The following UBE3D variants were observed in gnomAD, a reference collection of about 807,000 sequenced individuals.
UBE3D encodes the protein ubiquitin protein ligase E3D.
In UBE3D, 48 loss-of-function variants were observed where a neutral mutation model predicts 49.6. That is an observed-to-expected ratio of 0.97 (90% CI 0.77 to 1.23). The LOEUF (loss-of-function observed/expected upper bound fraction) is 1.23. Among genes scored for constraint, UBE3D ranks in the 50% most tolerant of loss-of-function variants. The pLI is 0.00. For synonymous variants in UBE3D, 189 were observed against 174.2 expected, an observed-to-expected ratio of 1.08 and a Z score of -0.67; for missense variants, 452 against 468.4, an observed-to-expected ratio of 0.96 and a Z score of 0.32.
chr6:82,962,030 T>C (rs886542449), intron 8 of UBE3D, among the ~76,000 whole-genome samples: 5 of 151,508 alleles, frequency 3.3e-5, no homozygotes, highest in African/African-American at 1.2e-4. Context: ...CTTTAAAACT[T>C]GACTAGGAAA....
At chr6:83,005,967 A>C (rs1779948411) in intron 8 of UBE3D, among the ~76,000 whole-genome samples, 1 of 152,110 alleles carries the variant, frequency 6.6e-6, no homozygotes, top group African/African-American at 2.4e-5. Context: ...GCTCACACCT[A>C]TAATCCCAGT....
intron 3 of UBE3D, among the ~76,000 whole-genome samples, chr6:83,045,011 C>T (rs576832715): frequency 1.7e-4 from 26 of 152,106 alleles, no homozygotes; most frequent in Non-Finnish European, 3.4e-4. Flanking sequence ...TAGATGAATC[C>T]TAATTAGTCC....
intron 9 of UBE3D, among the ~76,000 whole-genome samples, chr6:82,912,617 G>A (rs1395622545): frequency 6.6e-6 from 1 of 152,086 alleles, no homozygotes; most frequent in Non-Finnish European, 1.5e-5. Context: ...AGAGTTATGT[G>A]GAAAGTTATA....
chr6:83,031,630 C>A lies in UBE3D; in HGVS notation c.667+6786G>T, dbSNP rs1241428304. Among the ~76,000 whole-genome samples, 13 of 152,318 alleles carry A rather than the reference C, an allele frequency of 8.5e-5. No individual in the cohort carries two copies. The South Asian group carries it at 2.7e-3, about 32-fold the overall frequency. ...GTCAAGCCTGCTTGAATTTACACTGCTGCAGAAATTTGCGTAAGTAACAAG... is the reference window on the plus strand; with the variant it reads ...GTCAAGCCTGCTTGAATTTACACTGATGCAGAAATTTGCGTAAGTAACAAG... On this transcript the variant is annotated intron_variant, in intron 5 of 9. Transcript: ENST00000369747.
chr6:83,031,089 C>T (rs1781834301), intron 5 of UBE3D, among the ~76,000 whole-genome samples: 1 of 152,000 alleles, frequency 6.6e-6, no homozygotes, highest in Admixed American at 6.5e-5. Context: ...CTCACTGCAA[C>T]CTCTGCCTCC....
At chr6:82,912,513 T>G (rs1166144837) in intron 9 of UBE3D, among the ~76,000 whole-genome samples, 1 of 152,130 alleles carries the variant, frequency 6.6e-6, no homozygotes, top group Non-Finnish European at 1.5e-5. Flanking sequence ...TTAGTCTTTT[T>G]TCCAATGAAA....
chr6:83,047,100 T>C (rs1204561200), intron 3 of UBE3D, among the ~76,000 whole-genome samples: 2 of 152,218 alleles, frequency 1.3e-5, no homozygotes, highest in African/African-American at 4.8e-5. Flanking sequence ...ATAACTATAA[T>C]GTGTGAAGCC....
intron 5 of UBE3D, among the ~76,000 whole-genome samples, chr6:83,025,494 C>T (rs995116488): frequency 1.3e-5 from 2 of 151,620 alleles, no homozygotes; most frequent in African/African-American, 2.4e-5. Context: ...CTGCTGGATA[C>T]GCTTATTTAT....
At chr6:83,008,467 A>G (rs1350435428) in intron 8 of UBE3D, among the ~76,000 whole-genome samples, 1 of 152,206 alleles carries the variant, frequency 6.6e-6, no homozygotes, top group Non-Finnish European at 1.5e-5. Context: ...GCTGTTGCTC[A>G]CCAAGATGTG....
intron 9 of UBE3D, among the ~76,000 whole-genome samples, chr6:82,935,942 C>T (rs1319161858): frequency 6.6e-6 from 1 of 151,516 alleles, no homozygotes; most frequent in African/African-American, 2.4e-5. Flanking sequence ...AAAAGCCTGA[C>T]AATTATATGT....
At chr6:82,973,266 C>T (rs1307183079) in intron 8 of UBE3D, among the ~76,000 whole-genome samples, 4 of 152,030 alleles carry the variant, frequency 2.6e-5, no homozygotes, top group African/African-American at 9.7e-5. Context: ...TAAATATAAC[C>T]AACAAAATCT....
intron 8 of UBE3D, among the ~76,000 whole-genome samples, chr6:82,998,376 G>A (rs948749912): frequency 1.3e-5 from 2 of 152,078 alleles, no homozygotes; most frequent in African/African-American, 4.8e-5. Context: ...AGAACCACAG[G>A]AACACTGCAG....
At chr6:82,986,806 T>C (rs1014085661) in intron 8 of UBE3D, among the ~76,000 whole-genome samples, 3 of 148,560 alleles carry the variant, frequency 2.0e-5, no homozygotes, top group Non-Finnish European at 4.5e-5. Flanking sequence ...ATTGGAGTTA[T>C]TAGCCTTGAT....
intron 8 of UBE3D, among the ~76,000 whole-genome samples, chr6:82,987,709 C>A (rs974262998): frequency 4.6e-5 from 7 of 152,186 alleles, no homozygotes; most frequent in Non-Finnish European, 1.0e-4. Flanking sequence ...AAGGTCCAAT[C>A]ATTCCATCTC....
chr6:82,907,118 C>T (rs1472407457), intron 9 of UBE3D, among the ~76,000 whole-genome samples: 1 of 152,110 alleles, frequency 6.6e-6, no homozygotes, highest in Non-Finnish European at 1.5e-5. Flanking sequence ...GAAAAAGGCT[C>T]ACCACAAAAC....
intron 9 of UBE3D, among the ~76,000 whole-genome samples, chr6:82,922,662 T>C (rs1582353812): frequency 4.1e-5 from 1 of 24,538 alleles, no homozygotes; most frequent in African/African-American, 1.0e-4. Flanking sequence ...ATTCAGGACA[T>C]AGGCATGTCT....
chr6:82,895,307 T>A (rs138499914), intron 9 of UBE3D, among the ~76,000 whole-genome samples: 21 of 152,224 alleles, frequency 1.4e-4, no homozygotes, highest in African/African-American at 4.3e-4. Context: ...GGAGAGTCTG[T>A]CTCAAAAAGA....
chr6:83,065,824 T>A lies in UBE3D; in HGVS notation c.-106A>T. ...GCGGACCAACCAGCGGCAGCCCCGC[T>A]GCGGCGCAGGCGCCTGTGCCAGATC... On this transcript the variant is annotated 5_prime_UTR_variant, in exon 1 of 10. Transcript: ENST00000369747. 1 of 1,200,746 alleles carries A rather than the reference T, an allele frequency of 8.3e-7. No homozygotes were observed. The highest frequency in any genetic ancestry group is 2.6e-5 in the East Asian group (1 of 38,226). 74.4% of individuals were successfully genotyped at this position (1,200,746 alleles called of 1,614,324 possible).
chr6:82,916,577 G>A lies in UBE3D; in HGVS notation c.1150-23535C>T, dbSNP rs527254818. Among the ~76,000 whole-genome samples the A allele has an allele frequency of 3.3e-5, 5 of 152,306 alleles. No individual in the cohort carries two copies. In the South Asian group the frequency reaches 1.0e-3, roughly 32 times the overall value. Reference sequence around the variant, plus strand: ...AAATATTGAGTTGAACTTGAGATATGTGAGTACTGAAATGAATAAATATTG... The same window carrying A: ...AAATATTGAGTTGAACTTGAGATATATGAGTACTGAAATGAATAAATATTG... On this transcript the variant is annotated intron_variant, in intron 9 of 9. Transcript: ENST00000369747.
Sources: allele counts gnomAD v4.1 joint callset (sites outside exome capture counted in the v4.1 genomes callset), GRCh38; gene constraint gnomAD v4.1.1; transcripts MANE v1.5; gene names NCBI Gene and HGNC (gene_info 2026-07-23, HGNC 2026-07-21).